CYB5R4: variants seen among roughly 807,000 people sequenced by gnomAD.
CYB5R4 encodes the protein cytochrome b5 reductase 4.
CYB5R4 carries 55 observed loss-of-function variants against 70.2 expected under a neutral mutation model. The ratio of observed to expected loss-of-function variants is 0.78; its 90% CI spans 0.63 to 0.98. CYB5R4 has a LOEUF of 0.98. CYB5R4 is among the 50% of genes least tolerant of loss of function. CYB5R4 has a pLI of 0.00. For synonymous variants in CYB5R4, 197 were observed against 199.5 expected (o/e 0.99, Z 0.11); for missense variants, 562 against 612.6 (o/e 0.92, Z 0.87).
intron 2 of CYB5R4, among the ~76,000 whole-genome samples, chr6:83,890,992 G>C (rs913873485): frequency 6.6e-6 from 1 of 152,038 alleles, no homozygotes; most frequent in African/African-American, 2.4e-5. Flanking sequence ...TTTCTGGCTG[G>C]AGTGCAGTGG....
At chr6:83,914,597 G>GTGATAT in intron 5 of CYB5R4, 149 bp downstream of exon 5, 15 of 634,340 alleles carry the variant, frequency 2.4e-5, no homozygotes, top group Middle Eastern at 4.9e-4. Context: ...GAGTGCAGTG[G>GTGATAT]CACCATCTCA....
intron 2 of CYB5R4, among the ~76,000 whole-genome samples, chr6:83,892,186 T>C (rs1331877257): frequency 6.6e-6 from 1 of 152,218 alleles, no homozygotes; most frequent in East Asian, 1.9e-4. Context: ...GGAATGCTGC[T>C]GAAAGAAATT....
intron 7 of CYB5R4, 27 bp downstream of exon 7, chr6:83,919,481 G>T: frequency 1.6e-6 from 2 of 1,242,198 alleles, no homozygotes; most frequent in Non-Finnish European, 2.2e-6. Context: ...AATCAGAAAA[G>T]AAGAAAATAA....
rs1352719151 is a variant in CYB5R4 at position 83,864,217 on chromosome 6, C to T, written c.118C>T (p.Leu40=). The T allele has an allele frequency of 6.2e-7, 1 of 1,612,210 alleles. No individual in the cohort carries two copies. Residue 40 remains leucine, a synonymous_variant, in exon 2 of 16, where the codon CTG becomes TTG. Coordinates refer to ENST00000369681, the MANE Select transcript of CYB5R4 (RefSeq NM_016230.4). ...QGRSLMDWIR[L]TKSGKDLTGL... is the part of the protein sequence containing the mutation. ...CAGAAGCCTTATGGATTGGATTCGA[C>T]TGACCAAAAGTGGAAAGGATCTAAC...
rs1375539708 is a variant in CYB5R4, at chr6:83,961,891, T to C, written c.*2013T>C. 6.6e-6 allele frequency: 1 copy of C among 150,832 alleles called. No individual in the cohort carries two copies. The highest frequency in any genetic ancestry group is 1.5e-5 in the Non-Finnish European group (1 of 67,794). 9.3% of individuals were successfully genotyped at this position (150,832 alleles called of 1,614,324 possible). On this transcript the variant is annotated 3_prime_UTR_variant, in exon 16 of 16. Transcript: ENST00000369681. The stretch of plus-strand genomic sequence containing the variant: ...GTTTTATATTTTTGTTTATATTTTA[T>C]TTATATTTTGTTTATATTTTGTTAT...
At chr6:83,865,829 G>A (rs1196974666) in intron 2 of CYB5R4, among the ~76,000 whole-genome samples, 1 of 152,190 alleles carries the variant, frequency 6.6e-6, no homozygotes, top group African/African-American at 2.4e-5. Context: ...TGATGACGTA[G>A]TTTATATTGA....
chr6:83,950,138 T>G (rs1282675670), intron 14 of CYB5R4, among the ~76,000 whole-genome samples: 2 of 152,158 alleles, frequency 1.3e-5, no homozygotes, highest in Non-Finnish European at 2.9e-5. Flanking sequence ...TTTAGAATAC[T>G]ACTCTTTCTA....
chr6:83,869,567 G>A (rs1015966556), intron 2 of CYB5R4, among the ~76,000 whole-genome samples: 1 of 152,092 alleles, frequency 6.6e-6, no homozygotes, highest in Non-Finnish European at 1.5e-5. Flanking sequence ...AGTGGCTCAC[G>A]CCTGTGATCC....
intron 3 of CYB5R4, among the ~76,000 whole-genome samples, chr6:83,900,696 G>T (rs1368260085): frequency 6.6e-6 from 1 of 152,118 alleles, no homozygotes; most frequent in Non-Finnish European, 1.5e-5. Context: ...TCTTCTTGTT[G>T]AATTGATCCC....
rs558536251 is a variant in CYB5R4, at chr6:83,886,806, T to G, written c.230-6716T>G. On this transcript the variant is annotated intron_variant, in intron 2 of 15. Coordinates refer to ENST00000369681, the MANE Select transcript of CYB5R4 (RefSeq NM_016230.4). ...GTTTTATTTTTAATAAATTTTAAAA[T>G]TAGATAATGAGACCACTGTTACTAG... Among the ~76,000 whole-genome samples, 7 of 152,308 alleles carry G rather than the reference T, an allele frequency of 4.6e-5. No individual in the cohort carries two copies. The East Asian group carries it at 9.6e-4, about 21-fold the overall frequency.
At chr6:83,948,351 A>C (rs1306316490) in intron 14 of CYB5R4, among the ~76,000 whole-genome samples, 6 of 152,182 alleles carry the variant, frequency 3.9e-5, no homozygotes. Context: ...GGAACATCAC[A>C]CAACAGGGCC....
chr6:83,859,706 G>C lies in CYB5R4; in HGVS notation c.-77G>C, dbSNP rs1484759178. ...TGGGTCGGGGGCTTGGCCTCTGCCC[G>C]GCCACAGAGCCGGAGCTGGAGGTGC... On this transcript the variant is annotated 5_prime_UTR_variant, in exon 1 of 16. Transcript: ENST00000369681. 3.8e-5 allele frequency: 58 copies of C among 1,529,860 alleles called. No homozygotes were observed. Among genetic ancestry groups the C allele is most frequent in the Non-Finnish European group, 4.7e-5 (52 of 1,116,312 alleles). The allele number at this position is 1,529,860 out of a possible 1,614,324, so 94.8% of individuals were successfully genotyped here. A position where few individuals can be genotyped will look rare whatever the true frequency, so the allele number is the denominator to read the frequency against.
intron 10 of CYB5R4, among the ~76,000 whole-genome samples, chr6:83,928,790 T>C (rs970099802): frequency 1.3e-5 from 2 of 152,166 alleles, no homozygotes; most frequent in Non-Finnish European, 2.9e-5. Context: ...ATCTGACTTA[T>C]CTAGTGACTG....
chr6:83,951,891 C>T (rs1362117651), intron 14 of CYB5R4, among the ~76,000 whole-genome samples: 1 of 152,152 alleles, frequency 6.6e-6, no homozygotes, highest in Non-Finnish European at 1.5e-5. Flanking sequence ...CTAATTTGCA[C>T]TCCTGCCAAC....
rs151270400 is a variant in CYB5R4 at position 83,866,359 on chromosome 6, T to G, written c.229+2031T>G. On this transcript the variant is annotated intron_variant, in intron 2 of 15. Coordinates refer to ENST00000369681, the MANE Select transcript of CYB5R4 (RefSeq NM_016230.4). ...GATCAGAAGTATTTTGAATTTGGGA[T>G]TTTTTCAAATTTTGGAATATTTGCA... Among the ~76,000 whole-genome samples the G allele has an allele frequency of 6.6e-5, 10 of 152,316 alleles. No homozygotes were observed. In the East Asian group the frequency reaches 1.9e-3, roughly 29 times the overall value.
Position 83,922,609 on chromosome 6 carries a change from G to T in CYB5R4, c.691+139G>T, listed in dbSNP as rs2099466564. 6.5e-6 allele frequency: 4 copies of T among 612,280 alleles called. No individual in the cohort carries two copies. The Admixed American group carries it at 1.3e-4, about 20-fold the overall frequency. The allele number at this position is 612,280 out of a possible 1,614,324, so 37.9% of individuals were successfully genotyped here. Reference sequence around the variant, plus strand: ...TTTTCACATTGCAAAACAAAGATGTGATGTTTTCTCTTTTTTTTTTAAACT... The same window carrying T: ...TTTTCACATTGCAAAACAAAGATGTTATGTTTTCTCTTTTTTTTTTAAACT... On this transcript the variant is annotated intron_variant, in intron 9 of 15. Coordinates refer to ENST00000369681, the MANE Select transcript of CYB5R4 (RefSeq NM_016230.4).
chr6:83,919,546 C>A, intron 7 of CYB5R4, 92 bp downstream of exon 7: 1 of 574,560 alleles, frequency 1.7e-6, no homozygotes. Flanking sequence ...ATATTATTTA[C>A]TTCTCACTAT....
chr6:83,889,819 G>C (rs1224990949), intron 2 of CYB5R4, among the ~76,000 whole-genome samples: 2 of 152,138 alleles, frequency 1.3e-5, no homozygotes, highest in East Asian at 1.9e-4. Flanking sequence ...GGCAAAGCAG[G>C]AGCAGGCACA....
At chr6:83,879,809 C>T (rs1009098300) in intron 2 of CYB5R4, among the ~76,000 whole-genome samples, 1 of 152,176 alleles carries the variant, frequency 6.6e-6, no homozygotes, top group Non-Finnish European at 1.5e-5. Context: ...CTGAGGTTCT[C>T]AGGGATTCCA....
Sources: allele counts gnomAD v4.1 joint callset (sites outside exome capture counted in the v4.1 genomes callset), GRCh38; gene constraint gnomAD v4.1.1; transcripts MANE v1.5; gene names NCBI Gene and HGNC (gene_info 2026-07-23, HGNC 2026-07-21).